ERG: variants seen among roughly 807,000 people sequenced by gnomAD.
ERG encodes the protein transcriptional regulator ERG.
A neutral mutation model predicts 55.3 loss-of-function variants in ERG; 9 were observed. The observed-to-expected ratio is 0.16, with a 90% CI of 0.10 to 0.28. The LOEUF is 0.28. Among genes scored for constraint, ERG ranks in the 10% least tolerant of loss-of-function variants. The pLI is 1.00. For missense variants in ERG, 434 were observed against 631.6 expected (o/e 0.69, Z 3.35); for synonymous variants, 223 against 237.3 (o/e 0.94, Z 0.55).
intron 2 of ERG, among the ~76,000 whole-genome samples, chr21:38,438,769 G>A (rs973244216): frequency 3.9e-5 from 6 of 152,214 alleles, no homozygotes; most frequent in African/African-American, 1.4e-4. Context: ...TTCGCTGGGT[G>A]GGTCACCTTT....
At chr21:38,403,800 G>C (rs1252836469) in intron 3 of ERG, 91 bp from the exon 4 acceptor site, 1 of 1,258,060 alleles carries the variant, frequency 7.9e-7, no homozygotes, top group Non-Finnish European at 1.1e-6. Context: ...TTTCTGACCA[G>C]CTGCCTTCCA....
At chr21:38,627,374 A>G (rs2060331116) in intron 1 of ERG, among the ~76,000 whole-genome samples, 1 of 152,200 alleles carries the variant, frequency 6.6e-6, no homozygotes, top group Non-Finnish European at 1.5e-5. Context: ...TAATATCACA[A>G]ATCAGTGTTT....
intron 2 of ERG, among the ~76,000 whole-genome samples, chr21:38,523,136 G>A (rs2059606610): frequency 1.3e-5 from 2 of 152,034 alleles, no homozygotes; most frequent in African/African-American, 4.8e-5. Context: ...ATGCTTCCAG[G>A]TTTGCTCTCT....
chr21:38,630,331 G>T lies in ERG; in HGVS notation c.-150+31327C>A, dbSNP rs550908740. On this transcript the variant is annotated intron_variant, in intron 1 of 10. Transcript: ENST00000398910. ...GGCTTAAACCATAGGAAAACAAGCAGATAGGCCTGGTATGATTATCAGGGA... is the reference window on the plus strand; with the variant it reads ...GGCTTAAACCATAGGAAAACAAGCATATAGGCCTGGTATGATTATCAGGGA... Among the ~76,000 whole-genome samples the T allele has an allele frequency of 8.3e-4, 127 of 152,274 alleles. 1 individual carries two copies. Among genetic ancestry groups the T allele is most frequent in the South Asian group, 4.1e-4 (2 of 4,830 alleles).
intron 1 of ERG, among the ~76,000 whole-genome samples, chr21:38,611,363 A>G (rs892707677): frequency 3.9e-5 from 6 of 152,082 alleles, no homozygotes; most frequent in African/African-American, 1.4e-4. Flanking sequence ...GCTTCCCATC[A>G]CACAGACCCA....
At chr21:38,404,170 AAAT>A (rs908260069) in intron 3 of ERG, among the ~76,000 whole-genome samples, 57 of 152,154 alleles carry the variant, frequency 3.7e-4, no homozygotes, top group African/African-American at 1.3e-3. Flanking sequence ...ACAACAACAA[AAAT>A]AATAATAACA....
upstream of ERG, among the ~76,000 whole-genome samples, chr21:38,501,745 C>G (rs1320368458): frequency 1.3e-5 from 2 of 152,188 alleles, no homozygotes; most frequent in African/African-American, 4.8e-5. Flanking sequence ...TAGCTGTGGA[C>G]AGCAGAACCT....
At position 38,427,792 on chromosome 21, in the gene ERG, A is replaced by G. The variant is rs566611279; in HGVS notation, c.237-4231T>C. Among the ~76,000 whole-genome samples, 145 of 152,308 alleles carry G rather than the reference A, an allele frequency of 9.5e-4. 1 individual carries two copies. Among genetic ancestry groups the G allele is most frequent in the African/African-American group, 3.3e-3 (139 of 41,566 alleles). On this transcript the variant is annotated intron_variant, in intron 2 of 9. Transcript: ENST00000288319. The stretch of plus-strand genomic sequence containing the variant: ...ACCCTGGGACTGTTCATTCCCTGAA[A>G]AGCATGTGCATGACACAAACAGGGC...
rs767927649 is a variant in ERG, at chr21:38,402,615, T to C, written c.615A>G (p.Ser205=). 1.2e-6 allele frequency: 2 copies of C among 1,603,054 alleles called. No individual in the cohort carries two copies. The highest frequency in any genetic ancestry group is 3.5e-5 in the Admixed American group (2 of 57,570). Residue 205 remains serine, a synonymous_variant, in exon 5 of 10, where the codon TCA becomes TCG. Coordinates refer to ENST00000288319, the MANE Select transcript of ERG (RefSeq NM_182918.4). ...TTTGTAAGGCTTTATCAACATCATC[T>C]GAAGTCAAATGTGGAAGAGGAGCTA... ...LRETPLPHLT[S]DDVDKALQNS...
chr21:38,655,652 T>C (rs144828010), intron 1 of ERG, among the ~76,000 whole-genome samples: 17 of 152,306 alleles, frequency 1.1e-4, no homozygotes, highest in Non-Finnish European at 2.2e-4. Context: ...CCAAATTCCC[T>C]TCAGGCTTAT....
chr21:38,407,335 T>C (rs1360447747), intron 3 of ERG, among the ~76,000 whole-genome samples: 1 of 152,152 alleles, frequency 6.6e-6, no homozygotes, highest in East Asian at 1.9e-4. Flanking sequence ...GAAATATATT[T>C]ATTGATATGA....
At chr21:38,379,424 T>C (rs1353036604), downstream of ERG, among the ~76,000 whole-genome samples, 1 of 152,252 alleles carries the variant, frequency 6.6e-6, no homozygotes, top group Non-Finnish European at 1.5e-5. Context: ...CATATCAGGA[T>C]GAAATTCTGC....
intron 9 of ERG, among the ~76,000 whole-genome samples, chr21:38,386,460 A>G (rs1987695537): frequency 6.6e-6 from 1 of 152,240 alleles, no homozygotes; most frequent in South Asian, 2.1e-4. Context: ...TCACTGCAAG[A>G]ATTCTCAAAA....
At chr21:38,506,315 C>T (rs1005545565) in intron 2 of ERG, among the ~76,000 whole-genome samples, 3 of 152,252 alleles carry the variant, frequency 2.0e-5, no homozygotes, top group South Asian at 4.1e-4. Flanking sequence ...ACAATACTGA[C>T]GTCAGTGCTA....
chr21:38,437,346 C>G (rs2058800454), intron 2 of ERG, among the ~76,000 whole-genome samples: 1 of 152,284 alleles, frequency 6.6e-6, no homozygotes, highest in Admixed American at 6.5e-5. Flanking sequence ...GGGGTGGGGG[C>G]TGCAGGGGCG....
chr21:38,383,241 C>T lies in ERG; in HGVS notation c.*162G>A. The stretch of plus-strand genomic sequence containing the variant: ...CATTTCTGTAGTAAGACTTCAGTAA[C>T]TCCCTCCCAAGAGTCTTTGGATCTC... On this transcript the variant is annotated 3_prime_UTR_variant, in exon 10 of 10. Coordinates refer to ENST00000288319, the MANE Select transcript of ERG (RefSeq NM_182918.4). The surrounding 1 kb of genome is among the most constrained non-coding windows in gnomAD (Gnocchi z 5.7). 7 of 1,311,790 alleles carry T rather than the reference C, an allele frequency of 5.3e-6. No individual in the cohort carries two copies. The South Asian group carries it at 1.8e-4, about 34-fold the overall frequency. The allele number at this position is 1,311,790 out of a possible 1,614,324, so 81.3% of individuals were successfully genotyped here.
chr21:38,459,702 C>G (rs564081796), intron 1 of ERG, among the ~76,000 whole-genome samples: 2 of 152,162 alleles, frequency 1.3e-5, no homozygotes. Context: ...CACTAGAAAT[C>G]ACACATATCT....
downstream of ERG, among the ~76,000 whole-genome samples, chr21:38,376,747 C>T (rs955142429): frequency 6.6e-6 from 1 of 152,258 alleles, no homozygotes; most frequent in Non-Finnish European, 1.5e-5. Flanking sequence ...GCCATGGGGC[C>T]CAGCCCCACT....
At chr21:38,420,826 G>A (rs1989509689) in intron 3 of ERG, among the ~76,000 whole-genome samples, 1 of 152,182 alleles carries the variant, frequency 6.6e-6, no homozygotes, top group African/African-American at 2.4e-5. Context: ...GATTCAATGA[G>A]GAACCAAGCA....
Sources: gnomAD v4.1 joint callset for allele counts (sites outside exome capture counted in the v4.1 genomes callset) on GRCh38, gnomAD v4.1.1 for gene constraint, Gnocchi (gnomAD v3.1) non-coding constraint, MANE v1.5 for transcripts, NCBI Gene and HGNC (gene_info 2026-07-23, HGNC 2026-07-21) for gene names.